The following WDPCP variants were observed in gnomAD, a reference collection of about 807,000 sequenced individuals.
The protein encoded by WDPCP is WD repeat containing planar cell polarity effector.
In WDPCP, 71 loss-of-function variants were observed where a neutral mutation model predicts 93.1. The observed-to-expected ratio is 0.76, with a 90% confidence interval of 0.63 to 0.93. The LOEUF (loss-of-function observed/expected upper bound fraction) is 0.93. WDPCP is among the 40% of genes least tolerant of loss of function. WDPCP has a pLI of 0.00. For synonymous variants in WDPCP, 315 were observed against 315.0 expected (o/e 1.00, Z 0.00); for missense variants, 844 against 887.4 (o/e 0.95, Z 0.62).
chr2:63,135,114 C>A (rs1424018451), intron 17 of WDPCP, among the ~76,000 whole-genome samples: 5 of 152,082 alleles, frequency 3.3e-5, no homozygotes, highest in Admixed American at 1.3e-4. Context: ...CAGAGCCAGA[C>A]CCTGTCTCAA....
intron 1 of WDPCP, among the ~76,000 whole-genome samples, chr2:63,575,480 T>TGCATACACTGTATATACA (rs1707990973): frequency 4.0e-5 from 2 of 49,476 alleles, no homozygotes; most frequent in African/African-American, 1.9e-4. Context: ...GTATATACAG[T>TGCATACACTGTATATACA]GTATATATAG....
chr2:63,437,307 C>T, intron 8 of WDPCP, 114 bp downstream of exon 8: 1 of 906,924 alleles, frequency 1.1e-6, no homozygotes, highest in Non-Finnish European at 1.6e-6. Flanking sequence ...GTAATATTTC[C>T]AGTTTTTCTG....
chr2:63,618,838 C>T (rs757611331), intron 3 of WDPCP, among the ~76,000 whole-genome samples: 2 of 152,042 alleles, frequency 1.3e-5, no homozygotes, highest in Non-Finnish European at 2.9e-5. Flanking sequence ...TACAGGTATG[C>T]ACCACCTCGC....
At chr2:63,174,626 C>G (rs1223941912) in intron 15 of WDPCP, 44 bp downstream of exon 15, 2 of 1,610,550 alleles carry the variant, frequency 1.2e-6, no homozygotes, top group Non-Finnish European at 8.5e-7. Context: ...ACAGGTAATA[C>G]TAAATACTTT....
Position 63,174,797 on chromosome 2 carries a change from T to G in WDPCP, c.1951A>C (p.Asn651His), listed in dbSNP as rs373413042. 6 of 1,613,802 alleles carry G rather than the reference T, an allele frequency of 3.7e-6. No homozygotes were observed. Among genetic ancestry groups the G allele is most frequent in the Middle Eastern group, 1.6e-4 (1 of 6,078 alleles). Residue 651 changes from asparagine (N) to histidine (H), a missense_variant, in exon 15 of 18, where the codon AAT (asparagine) becomes CAT (histidine). Coordinates refer to ENST00000272321, the MANE Select transcript of WDPCP (RefSeq NM_015910.7). The part of the protein sequence containing the change: ...LGPLDRGDML[N>H]EAFIGLSLAP... ...AAAGACAGGCCAATAAATGCTTCAT[T>G]TAGCATATCCCCTCTGTCCAAGGGT...
intron 2 of WDPCP, among the ~76,000 whole-genome samples, chr2:63,759,985 G>A (rs1003077543): frequency 1.1e-4 from 17 of 152,190 alleles, no homozygotes; most frequent in African/African-American, 3.9e-4. Context: ...ACTGGGTGGG[G>A]GCAGTAAGAG....
intron 3 of WDPCP, among the ~76,000 whole-genome samples, chr2:63,624,355 A>G (rs1709783874): frequency 6.6e-6 from 1 of 152,164 alleles, no homozygotes; most frequent in Non-Finnish European, 1.5e-5. Context: ...TGCAGATTAG[A>G]ACAGAAAAAC....
intron 9 of WDPCP, among the ~76,000 whole-genome samples, chr2:63,421,763 T>C (rs972465734): frequency 3.9e-5 from 6 of 152,022 alleles, no homozygotes; most frequent in Non-Finnish European, 8.8e-5. Context: ...GACAACTAGA[T>C]GAAGATTAAA....
intron 12 of WDPCP, among the ~76,000 whole-genome samples, chr2:63,363,225 C>A (rs1690622644): frequency 6.6e-6 from 1 of 152,086 alleles, no homozygotes; most frequent in Non-Finnish European, 1.5e-5. Context: ...ATATGCATCA[C>A]CCTCCATATC....
At chr2:63,766,046 AGCACCTAGCACAT>A (rs1670133132) in intron 2 of WDPCP, among the ~76,000 whole-genome samples, 1 of 152,242 alleles carries the variant, frequency 6.6e-6, no homozygotes, top group East Asian at 1.9e-4. Flanking sequence ...TTAGAGCACT[AGCACCTAGCACAT>A]GCACCTAGGT....
intron 15 of WDPCP, among the ~76,000 whole-genome samples, chr2:63,172,977 G>A (rs997700391): frequency 6.6e-6 from 1 of 152,050 alleles, no homozygotes; most frequent in Non-Finnish European, 1.5e-5. Context: ...TCAAGAATTT[G>A]TGGGCTGGGT....
rs111478843 is a variant in WDPCP at position 63,400,078 on chromosome 2, A to T, written c.1435+3970T>A. ...AAAGGGTTTTAAAATGTATTTACCT[A>T]TGTTTTCAAATAGCCATAATGTACA... On this transcript the variant is annotated intron_variant, in intron 10 of 17. Coordinates refer to ENST00000272321, the MANE Select transcript of WDPCP (RefSeq NM_015910.7). Among the ~76,000 whole-genome samples, 106 of 136,618 alleles carry T rather than the reference A, an allele frequency of 7.8e-4. 1 individual carries two copies. Among genetic ancestry groups the T allele is most frequent in the Non-Finnish European group, 1.4e-3 (85 of 61,660 alleles). 89.6% of individuals were successfully genotyped at this position (136,618 alleles called of 152,430 possible). A position where few individuals can be genotyped will look rare whatever the true frequency, so the allele number is the denominator to read the frequency against.
At chr2:63,244,896 G>A (rs1007773703) in intron 14 of WDPCP, among the ~76,000 whole-genome samples, 2 of 152,102 alleles carry the variant, frequency 1.3e-5, no homozygotes, top group African/African-American at 2.4e-5. Flanking sequence ...ACTTCTATCA[G>A]TGTGAAGTTG....
intron 12 of WDPCP, among the ~76,000 whole-genome samples, chr2:63,354,745 T>C (rs1435094590): frequency 1.3e-5 from 2 of 152,074 alleles, no homozygotes; most frequent in Non-Finnish European, 2.9e-5. Flanking sequence ...TGTATATGTA[T>C]ATAAAACCTA....
intron 2 of WDPCP, among the ~76,000 whole-genome samples, chr2:63,709,757 T>C (rs562691632): frequency 7.2e-5 from 11 of 152,334 alleles, no homozygotes; most frequent in African/African-American, 2.2e-4. Context: ...TCTAGAATAA[T>C]GTATGCAGTT....
At chr2:63,610,921 C>T (rs1709606676) in intron 3 of WDPCP, among the ~76,000 whole-genome samples, 1 of 152,102 alleles carries the variant, frequency 6.6e-6, no homozygotes, top group Non-Finnish European at 1.5e-5. Flanking sequence ...ATGGCAAGAC[C>T]CCGTCTTACA....
rs987953718 is a variant in WDPCP at position 63,471,741 on chromosome 2, G to T, written c.384+12863C>A. Among the ~76,000 whole-genome samples the T allele has an allele frequency of 4.6e-5, 7 of 152,182 alleles. No homozygotes were observed. In the South Asian group the frequency reaches 1.5e-3, roughly 32 times the overall value. ...GGACTAGCTGCTCTCTGAGACTAAGGCACAGTCATTCTAAAACTTTGTTTC... is the reference window on the plus strand; with the variant it reads ...GGACTAGCTGCTCTCTGAGACTAAGTCACAGTCATTCTAAAACTTTGTTTC... On this transcript the variant is annotated intron_variant, in intron 6 of 17. Transcript: ENST00000272321.
In WDPCP at chr2:63,800,546, G is replaced by C. The variant is rs528853273; in HGVS notation, n.308+13076C>G. On this transcript the variant is annotated intron_variant and non_coding_transcript_variant, in intron 2 of 4. Transcript: ENST00000467687. Reference sequence around the variant, plus strand: ...CAATCAAAAGTTCAGAAGTATGTTGGAAAGATTACTGCCCATAGCAGATAT... The same window carrying C: ...CAATCAAAAGTTCAGAAGTATGTTGCAAAGATTACTGCCCATAGCAGATAT... 2.4e-4 allele frequency among the ~76,000 whole-genome samples: 37 copies of C among 152,240 alleles called. No homozygotes were observed. The South Asian group carries it at 7.1e-3, about 29-fold the overall frequency.
At chr2:63,728,922 G>C (rs1381933238) in intron 2 of WDPCP, among the ~76,000 whole-genome samples, 1 of 152,148 alleles carries the variant, frequency 6.6e-6, no homozygotes, top group Non-Finnish European at 1.5e-5. Flanking sequence ...CCAGCACTAA[G>C]AGTTACGTAT....
Sources: gnomAD v4.1 joint callset for allele counts (sites outside exome capture counted in the v4.1 genomes callset) on GRCh38, gnomAD v4.1.1 for gene constraint, MANE v1.5 for transcripts, NCBI Gene and HGNC (gene_info 2026-07-23, HGNC 2026-07-21) for gene names.